The following PTPRD variants were observed in gnomAD, a reference collection of about 807,000 sequenced individuals.
The protein encoded by PTPRD is protein tyrosine phosphatase receptor type D, also known as receptor-type tyrosine-protein phosphatase delta.
In PTPRD, 34 loss-of-function variants were observed where a neutral mutation model predicts 214.5. That is an observed-to-expected ratio of 0.16 (90% CI 0.12 to 0.21). The LOEUF is 0.21. PTPRD is among the 10% of genes least tolerant of loss of function. PTPRD has a pLI of 1.00. For missense variants in PTPRD, 2,545 were observed against 2,398.7 expected, an observed-to-expected ratio of 1.06 and a Z score of -1.27; for synonymous variants, 1,128 against 845.7, an observed-to-expected ratio of 1.33 and a Z score of -5.79.
intron 11 of PTPRD, among the ~76,000 whole-genome samples, chr9:8,776,870 ATATG>A (rs1188264472): frequency 6.8e-6 from 1 of 147,294 alleles, no homozygotes. Flanking sequence ...TATATAATAC[ATATG>A]TATAGTATAT....
chr9:9,433,779 G>A (rs1464976405), intron 8 of PTPRD, among the ~76,000 whole-genome samples: 2 of 152,050 alleles, frequency 1.3e-5, no homozygotes, highest in African/African-American at 4.8e-5. Context: ...TACCAAAATG[G>A]CCATTGCATG....
At chr9:10,502,850 C>T (rs557239732) in intron 2 of PTPRD, among the ~76,000 whole-genome samples, 15 of 151,826 alleles carry the variant, frequency 9.9e-5, no homozygotes, top group African/African-American at 2.2e-4. Flanking sequence ...TCTTAGAGTC[C>T]GAAGATAATT....
chr9:9,600,791 A>T (rs2093689333), intron 7 of PTPRD, among the ~76,000 whole-genome samples: 1 of 152,130 alleles, frequency 6.6e-6, no homozygotes, highest in Non-Finnish European at 1.5e-5. Flanking sequence ...ACATATATTT[A>T]AAATCCTTTT....
chr9:9,630,333 C>T (rs907614137), intron 7 of PTPRD, among the ~76,000 whole-genome samples: 1 of 152,102 alleles, frequency 6.6e-6, no homozygotes, highest in African/African-American at 2.4e-5. Context: ...TAAGAAGAGA[C>T]CTGCTCTTTT....
At chr9:10,430,211 TA>T (rs2098664770) in intron 2 of PTPRD, among the ~76,000 whole-genome samples, 1 of 151,988 alleles carries the variant, frequency 6.6e-6, no homozygotes, top group African/African-American at 2.4e-5. Flanking sequence ...TTCCTTCTTA[TA>T]AAATGTTTTA....
chr9:10,148,150 A>T (rs1292956490), intron 3 of PTPRD, among the ~76,000 whole-genome samples: 1 of 152,204 alleles, frequency 6.6e-6, no homozygotes, highest in Non-Finnish European at 1.5e-5. Context: ...ACAGTGTGAC[A>T]AACAAGCCAA....
rs200786174 is a variant in PTPRD, at chr9:9,352,325, A to ATGTGTG, written c.-203+45123_-203+45124insCACACA. ...GCCAAAAAACCATATATATATATATATATGTGTGTGTGTGTGTGTGTGTGT... is the reference window on the plus strand; with the variant it reads ...GCCAAAAAACCATATATATATATATATGTGTGTATGTGTGTGTGTGTGTGTGTGTGT... On this transcript the variant is annotated intron_variant, in intron 9 of 45. Transcript: ENST00000381196. Among the ~76,000 whole-genome samples the ATGTGTG allele has an allele frequency of 1.1e-4, 16 of 142,680 alleles. No individual in the cohort carries two copies. The South Asian group carries it at 1.8e-3, about 16-fold the overall frequency. The allele number at this position is 142,680 out of a possible 152,430, so 93.6% of individuals were successfully genotyped here.
chr9:10,365,378 C>T (rs2154473697), intron 2 of PTPRD, among the ~76,000 whole-genome samples: 1 of 152,324 alleles, frequency 6.6e-6, no homozygotes, highest in Admixed American at 6.5e-5. Flanking sequence ...CAAGTAGCTA[C>T]ATCAGCTTCT....
At chr9:10,588,452 A>ACACACACACACACACACT (rs1473413356) in intron 2 of PTPRD, among the ~76,000 whole-genome samples, 3 of 149,220 alleles carry the variant, frequency 2.0e-5, no homozygotes, top group Non-Finnish European at 4.5e-5. Context: ...ACACACACAC[A>ACACACACACACACACACT]CACTCACAAT....
At chr9:8,458,566 G>C (rs777794962) in intron 33 of PTPRD, among the ~76,000 whole-genome samples, 1 of 151,998 alleles carries the variant, frequency 6.6e-6, no homozygotes, top group Non-Finnish European at 1.5e-5. Flanking sequence ...AAAACAATTA[G>C]AATTATACCA....
At chr9:10,118,162 T>G (rs968432209) in intron 3 of PTPRD, among the ~76,000 whole-genome samples, 1 of 151,808 alleles carries the variant, frequency 6.6e-6, no homozygotes, top group Non-Finnish European at 1.5e-5. Context: ...TAGAGTGTAA[T>G]TGCTCAATGG....
At chr9:10,346,926 T>C (rs75254949) in intron 2 of PTPRD, among the ~76,000 whole-genome samples, 4,346 of 152,300 alleles carry the variant, frequency 0.029, 211 homozygotes, top group African/African-American at 0.099. Context: ...AATCTTGCAA[T>C]AAAGAATTAT....
intron 35 of PTPRD, among the ~76,000 whole-genome samples, chr9:8,430,981 A>G (rs774494574): frequency 2.6e-5 from 4 of 152,206 alleles, no homozygotes; most frequent in Admixed American, 1.3e-4. Context: ...TACAACTTCT[A>G]TATTTTCTCA....
intron 3 of PTPRD, among the ~76,000 whole-genome samples, chr9:10,052,178 T>A (rs770425151): frequency 6.6e-6 from 1 of 152,132 alleles, no homozygotes; most frequent in Non-Finnish European, 1.5e-5. Context: ...TGTTATTATT[T>A]ACATTGTAAT....
At chr9:10,178,672 A>G (rs1333221661) in intron 3 of PTPRD, among the ~76,000 whole-genome samples, 2 of 152,034 alleles carry the variant, frequency 1.3e-5, no homozygotes, top group African/African-American at 2.4e-5. Flanking sequence ...GAGTTCAGAT[A>G]CATCAGGATT....
intron 13 of PTPRD, among the ~76,000 whole-genome samples, chr9:8,634,545 T>A (rs1421842913): frequency 6.6e-6 from 1 of 152,070 alleles, no homozygotes; most frequent in Non-Finnish European, 1.5e-5. Flanking sequence ...CCATTTTTGT[T>A]CAAAATTCAC....
At chr9:9,576,873 T>A (rs1006799039) in intron 7 of PTPRD, among the ~76,000 whole-genome samples, 3 of 152,180 alleles carry the variant, frequency 2.0e-5, no homozygotes, top group Non-Finnish European at 2.9e-5. Flanking sequence ...CAATATCAAA[T>A]TGACACTTTT....
At position 8,521,554 on chromosome 9, in the gene PTPRD, A is replaced by C. The variant is rs2138920204; in HGVS notation, c.692-8T>G. 6.2e-7 allele frequency: 1 copy of C among 1,612,118 alleles called. No individual in the cohort carries two copies. The highest frequency in any genetic ancestry group is 8.5e-7 in the Non-Finnish European group (1 of 1,178,898). ...TTGGTGGGACACGGCGAACTGGAAC[A>C]AAACACAAGGGAAATGATAACATAT... On this transcript the variant is annotated splice_polypyrimidine_tract_variant and splice_region_variant and intron_variant, in intron 19 of 45. Coordinates refer to ENST00000381196, the MANE Select transcript of PTPRD (RefSeq NM_002839.4).
chr9:8,528,077 T>G, intron 15 of PTPRD: 1 of 205,024 alleles, frequency 4.9e-6, no homozygotes, highest in African/African-American at 2.3e-5. Context: ...TGCCCAGACT[T>G]ACTAAACTTT....
Sources: allele counts gnomAD v4.1 joint callset (sites outside exome capture counted in the v4.1 genomes callset), GRCh38; gene constraint gnomAD v4.1.1; transcripts MANE v1.5; gene names NCBI Gene and HGNC (gene_info 2026-07-23, HGNC 2026-07-21).